The following DCC variants were observed in gnomAD, a reference collection of about 807,000 sequenced individuals.
The protein encoded by DCC is DCC netrin 1 receptor.
Under a neutral mutation model 172.5 loss-of-function variants are expected in DCC, and 58 were observed. That is an observed-to-expected ratio of 0.34 (90% confidence interval 0.27 to 0.42). DCC has a LOEUF of 0.42. Ranked by LOEUF, DCC falls within the 10% of genes least tolerant of loss-of-function variation. DCC has a pLI of 1.00. For missense variants in DCC, 1,740 were observed against 1,791.0 expected (o/e 0.97, Z 0.51); for synonymous variants, 709 against 644.5 (o/e 1.10, Z -1.52).
At chr18:53,424,429 C>A (rs1599133077) in intron 21 of DCC, among the ~76,000 whole-genome samples, 1 of 152,248 alleles carries the variant, frequency 6.6e-6, no homozygotes, top group Admixed American at 6.5e-5. Flanking sequence ...GGTCCATTTT[C>A]AAGAAGCTTG....
At chr18:53,346,805 A>G (rs2057731244) in intron 15 of DCC, among the ~76,000 whole-genome samples, 1 of 152,140 alleles carries the variant, frequency 6.6e-6, no homozygotes, top group Non-Finnish European at 1.5e-5. Flanking sequence ...AGAATGGACT[A>G]TATTTACCAT....
chr18:53,268,297 T>C (rs2056705607), intron 12 of DCC, among the ~76,000 whole-genome samples: 1 of 152,200 alleles, frequency 6.6e-6, no homozygotes, highest in African/African-American at 2.4e-5. Context: ...GATTTACACA[T>C]ACTTATGTAA....
chr18:52,434,462 A>G (rs950231187), intron 1 of DCC, among the ~76,000 whole-genome samples: 2 of 152,196 alleles, frequency 1.3e-5, no homozygotes, highest in Non-Finnish European at 2.9e-5. Flanking sequence ...ATAAAATGTT[A>G]AATTGCTACA....
At chr18:52,983,925 A>G in intron 5 of DCC, among the ~76,000 whole-genome samples, 1 of 152,150 alleles carries the variant, frequency 6.6e-6, no homozygotes, top group East Asian at 1.9e-4. Flanking sequence ...TTTTTTTCAT[A>G]TGGCACTGAG....
intron 1 of DCC, among the ~76,000 whole-genome samples, chr18:52,694,398 A>T (rs902818007): frequency 6.6e-6 from 1 of 152,054 alleles, no homozygotes; most frequent in Non-Finnish European, 1.5e-5. Context: ...TCCAATAAAA[A>T]TCTGAATTTC....
chr18:52,637,680 C>T (rs1250621408), intron 1 of DCC, among the ~76,000 whole-genome samples: 4 of 152,088 alleles, frequency 2.6e-5, no homozygotes, highest in African/African-American at 7.2e-5. Context: ...TGAAACAACC[C>T]AAACTAAGAA....
chr18:52,439,174 T>TTATGTGTGTGTGTGTG (rs74178668), intron 1 of DCC, among the ~76,000 whole-genome samples: 4 of 144,850 alleles, frequency 2.8e-5, no homozygotes, highest in South Asian at 4.5e-4. Flanking sequence ...AAGATATGTT[T>TTATGTGTGTGTGTGTG]TGTGTGTGTG....
intron 8 of DCC, among the ~76,000 whole-genome samples, chr18:53,169,145 C>A (rs1221224531): frequency 6.6e-6 from 1 of 152,194 alleles, no homozygotes; most frequent in Non-Finnish European, 1.5e-5. Context: ...CCATGCTTGA[C>A]TTCATGCTTC....
intron 7 of DCC, among the ~76,000 whole-genome samples, chr18:53,079,680 TAAAC>T (rs1162334513): frequency 6.6e-6 from 1 of 152,136 alleles, no homozygotes; most frequent in Non-Finnish European, 1.5e-5. Context: ...AAGGAGAACT[TAAAC>T]AACTCTTTCA....
chr18:52,708,806 T>C (rs1313902529), intron 1 of DCC, among the ~76,000 whole-genome samples: 1 of 152,174 alleles, frequency 6.6e-6, no homozygotes, highest in Non-Finnish European at 1.5e-5. Flanking sequence ...AACAAAATTA[T>C]ACCAAACCTA....
At chr18:52,742,922 ATAAT>A (rs2036845351) in intron 1 of DCC, among the ~76,000 whole-genome samples, 1 of 152,348 alleles carries the variant, frequency 6.6e-6, no homozygotes, top group African/African-American at 2.4e-5. Flanking sequence ...AAATGAAGAA[ATAAT>A]TAATTTCCTG....
At chr18:52,718,728 C>G (rs773177676) in intron 1 of DCC, among the ~76,000 whole-genome samples, 3 of 152,142 alleles carry the variant, frequency 2.0e-5, no homozygotes, top group Non-Finnish European at 4.4e-5. Flanking sequence ...CCATGTAATT[C>G]CAAGATTCTG....
In DCC at chr18:52,502,136, C is replaced by A. The variant is rs73957912; in HGVS notation, c.91+161258C>A. On this transcript the variant is annotated intron_variant, in intron 1 of 28. Coordinates refer to ENST00000442544, the MANE Select transcript of DCC (RefSeq NM_005215.4). The stretch of plus-strand genomic sequence containing the variant: ...ACCTCAGAAACTTGAATTTGTACTT[C>A]ATATTGTATATAAGTTTGTATTATA... 5.8e-3 allele frequency among the ~76,000 whole-genome samples: 878 copies of A among 152,186 alleles called. 6 individuals carry two copies. Among genetic ancestry groups the A allele is most frequent in the African/African-American group, 0.02 (821 of 41,518 alleles).
chr18:52,340,845 G>A lies in DCC; in HGVS notation c.58G>A (p.Ala20Thr). 6.2e-7 allele frequency: 1 copy of A among 1,614,064 alleles called. No individual in the cohort carries two copies. The highest frequency in any genetic ancestry group is 1.1e-5 in the South Asian group (1 of 91,074). The change falls in exon 1 of 29, where the codon GCT (alanine) becomes ACT (threonine). Residue 20 changes from alanine (A) to threonine (T), a missense_variant. Ala to Thr is a moderately conservative substitution (Grantham distance 58). Coordinates refer to ENST00000442544, the MANE Select transcript of DCC (RefSeq NM_005215.4). The stretch of plus-strand genomic sequence containing the variant: ...CAAGCTGGCTTTTGTACTCTTCGGA[G>A]CTTCCTTGTTCAGCGCGCATCTTCA... ...VPKLAFVLFG[A>T]SLFSAHLQVT... is the part of the protein sequence containing the mutation.
At chr18:53,040,207 G>A (rs866759949) in intron 5 of DCC, among the ~76,000 whole-genome samples, 2 of 151,930 alleles carry the variant, frequency 1.3e-5, no homozygotes, top group African/African-American at 4.8e-5. Context: ...AAAATTTATT[G>A]AACAGTTACT....
At chr18:52,695,846 C>T (rs1175096560) in intron 1 of DCC, among the ~76,000 whole-genome samples, 3 of 152,172 alleles carry the variant, frequency 2.0e-5, no homozygotes, top group African/African-American at 7.2e-5. Flanking sequence ...TGTACATCTG[C>T]CCTCCTTTTT....
intron 5 of DCC, among the ~76,000 whole-genome samples, chr18:53,031,806 A>C (rs560294641): frequency 3.3e-5 from 5 of 152,232 alleles, no homozygotes; most frequent in Middle Eastern, 3.4e-3. Context: ...TCTTTGTAGC[A>C]TATGTTTTTA....
chr18:52,913,883 C>T (rs1178194531), intron 3 of DCC, among the ~76,000 whole-genome samples: 2 of 152,030 alleles, frequency 1.3e-5, no homozygotes, highest in Non-Finnish European at 2.9e-5. Context: ...GTGAAAAGAC[C>T]TGTAGAGCTT....
At chr18:52,986,835 T>TAC (rs147730924) in intron 5 of DCC, among the ~76,000 whole-genome samples, 7,592 of 135,996 alleles carry the variant, frequency 0.056, 261 homozygotes, top group African/African-American at 0.12. Flanking sequence ...CACATATACA[T>TAC]ACACACACAC....
Sources: gnomAD v4.1 joint callset for allele counts (sites outside exome capture counted in the v4.1 genomes callset) on GRCh38, gnomAD v4.1.1 for gene constraint, MANE v1.5 for transcripts, NCBI Gene and HGNC (gene_info 2026-07-23, HGNC 2026-07-21) for gene names.